The following CHST9 variants were observed in gnomAD, a reference collection of about 807,000 sequenced individuals.
CHST9 encodes GalNAc-4-sulfotransferase 2.
Under a neutral mutation model 44.4 loss-of-function variants are expected in CHST9, and 41 were observed. The ratio of observed to expected loss-of-function variants is 0.92; its 90% CI spans 0.72 to 1.20. CHST9 has a LOEUF of 1.20. CHST9 is among the 50% of genes most tolerant of loss of function. The pLI is 0.00. For synonymous variants in CHST9, 171 were observed against 178.4 expected, an observed-to-expected ratio of 0.96 and a Z score of 0.33; for missense variants, 504 against 516.5, an observed-to-expected ratio of 0.98 and a Z score of 0.23.
chr18:27,101,487 C>A (rs1312814616), intron 2 of CHST9, among the ~76,000 whole-genome samples: 3 of 28,960 alleles, frequency 1.0e-4, no homozygotes, highest in South Asian at 1.9e-3. Flanking sequence ...CAGCTACTGG[C>A]GGGGGTGAGG....
chr18:27,157,808 A>C (rs1295760794), intron 1 of CHST9, among the ~76,000 whole-genome samples: 1 of 152,130 alleles, frequency 6.6e-6, no homozygotes, highest in Non-Finnish European at 1.5e-5. Context: ...TTAAAATACA[A>C]AACATGTAAA....
intron 1 of CHST9, among the ~76,000 whole-genome samples, chr18:27,184,043 C>T (rs1382668857): frequency 6.6e-6 from 1 of 152,016 alleles, no homozygotes; most frequent in African/African-American, 2.4e-5. Flanking sequence ...TAGATTAATG[C>T]AATTCTGAGG....
intron 4 of CHST9, among the ~76,000 whole-genome samples, chr18:26,973,094 T>C (rs1379698966): frequency 6.6e-6 from 1 of 152,214 alleles, no homozygotes; most frequent in Non-Finnish European, 1.5e-5. Context: ...TGTCTCCCGT[T>C]GGAGAGGCTT....
intron 2 of CHST9, among the ~76,000 whole-genome samples, chr18:27,059,259 T>C (rs1396917149): frequency 3.9e-5 from 6 of 152,160 alleles, no homozygotes; most frequent in Admixed American, 2.6e-4. Context: ...GGGGTACCCA[T>C]TTGAAACAAT....
intron 5 of CHST9, among the ~76,000 whole-genome samples, chr18:26,919,784 C>A (rs537463504): frequency 1.3e-5 from 2 of 152,246 alleles, no homozygotes; most frequent in South Asian, 4.2e-4. Context: ...CCAGGGGTTT[C>A]TGGAATGTTT....
chr18:26,957,613 G>A (rs948608081), intron 4 of CHST9, among the ~76,000 whole-genome samples: 20 of 149,054 alleles, frequency 1.3e-4, no homozygotes, highest in African/African-American at 2.0e-4. Context: ...CTTTAATAAC[G>A]ACAATAGCAA....
chr18:27,081,199 A>G (rs191840624), intron 2 of CHST9, among the ~76,000 whole-genome samples: 81 of 152,208 alleles, frequency 5.3e-4, no homozygotes, highest in African/African-American at 1.8e-3. Flanking sequence ...TTTGCTGGGC[A>G]TGGTGGTAGC....
chr18:27,111,774 C>T (rs1425572258), intron 2 of CHST9, among the ~76,000 whole-genome samples: 1 of 152,192 alleles, frequency 6.6e-6, no homozygotes, highest in Non-Finnish European at 1.5e-5. Context: ...ATCACCCTCC[C>T]CAAGGTGAGT....
intron 1 of CHST9, among the ~76,000 whole-genome samples, chr18:27,184,483 G>C (rs1159361463): frequency 6.6e-6 from 1 of 151,946 alleles, no homozygotes; most frequent in Non-Finnish European, 1.5e-5. Context: ...CCTTCTCCCC[G>C]CAACCCACTT....
intron 3 of CHST9, among the ~76,000 whole-genome samples, chr18:27,027,786 G>A (rs1472541709): frequency 6.6e-6 from 1 of 152,046 alleles, no homozygotes; most frequent in Non-Finnish European, 1.5e-5. Flanking sequence ...CTCAGTTTCT[G>A]TTTCATTAAA....
chr18:27,027,116 C>T (rs2057292580), intron 3 of CHST9, among the ~76,000 whole-genome samples: 2 of 152,204 alleles, frequency 1.3e-5, no homozygotes, highest in South Asian at 2.1e-4. Context: ...AGTGAGAGAA[C>T]ACAAATACAA....
intron 1 of CHST9, among the ~76,000 whole-genome samples, chr18:27,159,910 T>C (rs548835826): frequency 6.6e-6 from 1 of 152,336 alleles, no homozygotes; most frequent in South Asian, 2.1e-4. Context: ...GCTCTCTATT[T>C]GTCTGTTATT....
chr18:26,998,762 AAG>A (rs1427213061), intron 4 of CHST9, among the ~76,000 whole-genome samples: 2 of 151,962 alleles, frequency 1.3e-5, no homozygotes, highest in Non-Finnish European at 2.9e-5. Flanking sequence ...AAAAGAAAGA[AAG>A]AAAAAAAGAA....
At chr18:27,027,579 C>T (rs369260720) in intron 3 of CHST9, among the ~76,000 whole-genome samples, 129 of 152,280 alleles carry the variant, frequency 8.5e-4, no homozygotes, top group African/African-American at 2.5e-3. Flanking sequence ...ATAATAACCA[C>T]AATAACAGCT....
chr18:27,076,810 G>T (rs1337112264), intron 2 of CHST9, among the ~76,000 whole-genome samples: 1 of 152,280 alleles, frequency 6.6e-6, no homozygotes, highest in African/African-American at 2.4e-5. Context: ...GACAGAGGTT[G>T]TTCCATATTA....
At chr18:27,004,834 A>G (rs1408328022) in intron 4 of CHST9, among the ~76,000 whole-genome samples, 2 of 152,204 alleles carry the variant, frequency 1.3e-5, no homozygotes, top group Non-Finnish European at 2.9e-5. Context: ...GAATTAATTT[A>G]TAATTGGAAA....
chr18:27,082,131 CA>C (rs1473455203), intron 2 of CHST9, among the ~76,000 whole-genome samples: 2 of 152,154 alleles, frequency 1.3e-5, no homozygotes, highest in Non-Finnish European at 2.9e-5. Flanking sequence ...AAATGCATCC[CA>C]TAAGACAAGA....
intron 5 of CHST9, among the ~76,000 whole-genome samples, chr18:26,937,157 T>C (rs2056008695): frequency 6.6e-6 from 1 of 152,202 alleles, no homozygotes; most frequent in Non-Finnish European, 1.5e-5. Context: ...ATTATGCCAA[T>C]GTATACTTTT....
intron 2 of CHST9, among the ~76,000 whole-genome samples, chr18:27,049,748 A>T (rs1018697600): frequency 8.5e-5 from 13 of 152,180 alleles, no homozygotes; most frequent in African/African-American, 3.1e-4. Context: ...CCACGTGCTC[A>T]GTCATAAAGC....
Sources: allele counts gnomAD v4.1 joint callset (sites outside exome capture counted in the v4.1 genomes callset), GRCh38; gene constraint gnomAD v4.1.1; transcripts MANE v1.5; gene names NCBI Gene and HGNC (gene_info 2026-07-23, HGNC 2026-07-21).